TUSC3: variants seen among roughly 807,000 people sequenced by gnomAD.
TUSC3 encodes the protein tumor suppressor candidate 3.
Under a neutral mutation model 44.8 loss-of-function variants are expected in TUSC3, and 45 were observed. The observed-to-expected ratio is 1.00, with a 90% CI of 0.79 to 1.29. The LOEUF (loss-of-function observed/expected upper bound fraction) is 1.29, where lower values mean the gene tolerates loss of function less well. TUSC3 is among the 50% of genes most tolerant of loss of function. The pLI, the probability that TUSC3 is intolerant of heterozygous loss-of-function variation, is 0.00. For synonymous variants in TUSC3, 212 were observed against 152.9 expected (o/e 1.39, Z -2.85); for missense variants, 519 against 437.9 (o/e 1.19, Z -1.65).
At chr8:15,833,381 T>G in the TUSC3 span, among the ~76,000 whole-genome samples, 1 of 152,202 alleles carries the variant, frequency 6.6e-6, no homozygotes, top group South Asian at 2.1e-4. Context: ...GGAATATAAA[T>G]CATTTTAACA....
At chr8:15,771,051 G>C (rs1213587905), downstream of TUSC3, among the ~76,000 whole-genome samples, 4 of 152,178 alleles carry the variant, frequency 2.6e-5, no homozygotes, top group Non-Finnish European at 5.9e-5. Context: ...GAAATCCTCA[G>C]TAAGATTAAT....
upstream of TUSC3, among the ~76,000 whole-genome samples, chr8:15,538,896 C>T (rs1174964578): frequency 6.6e-6 from 1 of 151,820 alleles, no homozygotes; most frequent in East Asian, 1.9e-4. Context: ...GTCTCCCAGG[C>T]TGGAGTGCTG....
intron 1 of TUSC3, among the ~76,000 whole-genome samples, chr8:15,608,204 C>T (rs1804615112): frequency 6.6e-6 from 1 of 152,022 alleles, no homozygotes; most frequent in African/African-American, 2.4e-5. Context: ...TTCTCTTTTC[C>T]TGAGTTCCTT....
At chr8:15,510,388 A>G (rs113182459) in intron 2 of TUSC3, among the ~76,000 whole-genome samples, 12 of 152,324 alleles carry the variant, frequency 7.9e-5, no homozygotes, top group African/African-American at 2.2e-4. Context: ...ACAATTACCA[A>G]TATCAGACAT....
intron 1 of TUSC3, among the ~76,000 whole-genome samples, chr8:15,614,661 A>T (rs904317435): frequency 2.0e-5 from 3 of 152,046 alleles, no homozygotes; most frequent in Non-Finnish European, 2.9e-5. Flanking sequence ...CATTGTGTGG[A>T]CCTACCATAT....
chr8:15,587,560 C>G (rs1190903906), intron 1 of TUSC3, among the ~76,000 whole-genome samples: 1 of 152,192 alleles, frequency 6.6e-6, no homozygotes. Flanking sequence ...TTTATCATGT[C>G]TTTGTATTGG....
At chr8:15,491,106 G>A (rs2410274) in intron 2 of TUSC3, among the ~76,000 whole-genome samples, 73,832 of 152,020 alleles carry the variant, frequency 0.49, 18,235 homozygotes, top group East Asian at 0.66. Context: ...TTTGTCTCGT[G>A]CTCAGTGAAT....
intron 6 of TUSC3, among the ~76,000 whole-genome samples, chr8:15,719,501 ACACACACACACACAC>A (rs1276626077): frequency 0.055 from 2,954 of 53,550 alleles, 119 homozygotes; most frequent in East Asian, 0.35. Context: ...TTCATCACAC[ACACACACACACACAC>A]CACACACACA....
At chr8:15,819,507 C>A in the TUSC3 span, among the ~76,000 whole-genome samples, 3 of 152,146 alleles carry the variant, frequency 2.0e-5, no homozygotes, top group African/African-American at 7.2e-5. Flanking sequence ...TCATTTTTAA[C>A]TGTCACAGTC....
chr8:15,526,280 G>A (rs1385635166), intron 2 of TUSC3, among the ~76,000 whole-genome samples: 7 of 152,064 alleles, frequency 4.6e-5, no homozygotes, highest in Admixed American at 1.3e-4. Flanking sequence ...TGATCTGCCC[G>A]CCTCGGCCTC....
At chr8:15,733,506 A>G (rs533252833) in intron 7 of TUSC3, 7 of 292,018 alleles carry the variant, frequency 2.4e-5, no homozygotes, top group Admixed American at 5.0e-5. Flanking sequence ...TATGGCAGGA[A>G]TTCTCCAAGG....
chr8:15,545,996 T>C lies in TUSC3; in HGVS notation c.138+5428T>C, dbSNP rs1375606163. ...TCCTCCTGGAGTATCATGCTAATCC[T>C]ACCAGGATAGAAAATTTACTTTTGG... On this transcript the variant is annotated intron_variant, in intron 1 of 10. Transcript: ENST00000503731. Among the ~76,000 whole-genome samples the C allele has an allele frequency of 1.3e-5, 2 of 151,860 alleles. 1 individual carries two copies. The highest frequency in any genetic ancestry group is 1.3e-4 in the Admixed American group (2 of 15,202).
rs190652263 is a variant in TUSC3 at position 15,522,028 on chromosome 8, C to T, written n.189+38545C>T. Among the ~76,000 whole-genome samples the T allele has an allele frequency of 1.1e-4, 16 of 152,264 alleles. No individual in the cohort carries two copies. In the East Asian group the frequency reaches 1.5e-3, roughly 15 times the overall value. On this transcript the variant is annotated intron_variant and non_coding_transcript_variant, in intron 2 of 5. Coordinates refer to the TUSC3 transcript ENST00000503191. The stretch of plus-strand genomic sequence containing the variant: ...AAATGAGAAGCATGTTACAATATTC[C>T]AACCTCCCTTGCCTCTGATTCTTTC...
chr8:15,708,260 A>G (rs553255683), intron 6 of TUSC3, among the ~76,000 whole-genome samples: 1 of 152,072 alleles, frequency 6.6e-6, no homozygotes, highest in East Asian at 1.9e-4. Flanking sequence ...GAGGAAATGG[A>G]ATAAATGGAG....
At chr8:15,582,853 A>G in intron 1 of TUSC3, among the ~76,000 whole-genome samples, 1 of 152,170 alleles carries the variant, frequency 6.6e-6, no homozygotes, top group African/African-American at 2.4e-5. Context: ...TTTAAATATG[A>G]TATGTAACAC....
intron 6 of TUSC3, among the ~76,000 whole-genome samples, chr8:15,674,110 T>C (rs1419390113): frequency 6.6e-6 from 1 of 152,036 alleles, no homozygotes; most frequent in South Asian, 2.1e-4. Flanking sequence ...TTTTCAAGTT[T>C]ATCTGCTGCT....
rs141336117 is a variant in TUSC3 at position 15,686,110 on chromosome 8, G to A, written c.798+12274G>A. Among the ~76,000 whole-genome samples, 27 of 152,048 alleles carry A rather than the reference G, an allele frequency of 1.8e-4. No homozygotes were observed. The East Asian group carries it at 5.2e-3, about 29-fold the overall frequency. ...GTAATGGCACAAGTCAAGTACTAAT[G>A]GTCCACTTAACAGCATGAAAATCAA... On this transcript the variant is annotated intron_variant, in intron 6 of 10. Transcript: ENST00000503731.
chr8:15,587,294 C>G (rs958563456), intron 1 of TUSC3, among the ~76,000 whole-genome samples: 14 of 152,048 alleles, frequency 9.2e-5, no homozygotes, highest in African/African-American at 3.4e-4. Context: ...TAAAAAACTT[C>G]TTTCTGGATT....
the TUSC3 span, among the ~76,000 whole-genome samples, chr8:15,828,876 G>A: frequency 6.6e-6 from 1 of 152,022 alleles, no homozygotes; most frequent in Non-Finnish European, 1.5e-5. Flanking sequence ...CGTCACTGGA[G>A]GAGGAAGGGA....
Sources: allele counts gnomAD v4.1 joint callset (sites outside exome capture counted in the v4.1 genomes callset), GRCh38; gene constraint gnomAD v4.1.1; transcripts MANE v1.5; gene names NCBI Gene and HGNC (gene_info 2026-07-23, HGNC 2026-07-21).